The following SPACA1 variants were observed in gnomAD, a reference collection of about 807,000 sequenced individuals.
SPACA1 encodes the protein sperm acrosome associated 1.
SPACA1 carries 17 observed loss-of-function variants against 32.6 expected under a neutral mutation model. The ratio of observed to expected loss-of-function variants is 0.52; its 90% confidence interval spans 0.36 to 0.78. The LOEUF (loss-of-function observed/expected upper bound fraction) is 0.78, where lower values mean the gene tolerates loss of function less well. SPACA1 is among the 30% of genes least tolerant of loss of function. The probability of loss-of-function intolerance (pLI) is 0.01; values close to 1 mark genes in which losing one functional copy is unlikely to be tolerated. For missense variants in SPACA1, 363 were observed against 373.4 expected (o/e 0.97, Z 0.23); for synonymous variants, 140 against 138.1 (o/e 1.01, Z -0.10).
At chr6:88,061,591 C>T (rs1775898495) in intron 5 of SPACA1, among the ~76,000 whole-genome samples, 1 of 152,040 alleles carries the variant, frequency 6.6e-6, no homozygotes, top group Admixed American at 6.6e-5. Flanking sequence ...AATTTCTGAG[C>T]CTACCAGAAG....
chr6:88,061,114 G>T (rs754028584), intron 5 of SPACA1, among the ~76,000 whole-genome samples: 1 of 152,306 alleles, frequency 6.6e-6, no homozygotes, highest in East Asian at 1.9e-4. Flanking sequence ...GTTTTGGCTA[G>T]AAATGTCTAC....
At chr6:88,049,263 T>A (rs1466528385) in intron 1 of SPACA1, among the ~76,000 whole-genome samples, 2 of 152,220 alleles carry the variant, frequency 1.3e-5, no homozygotes, top group African/African-American at 2.4e-5. Context: ...AGTATTAAAC[T>A]GGCCAAGAAA....
At chr6:88,064,020 C>A (rs2276090) in intron 5 of SPACA1, 79 bp from the exon 6 acceptor site, 7 of 1,481,542 alleles carry the variant, frequency 4.7e-6, no homozygotes, top group East Asian at 2.4e-5. Context: ...AGTTGTTTTT[C>A]AAATATAAAC....
At chr6:88,063,840 A>G (rs1330104319) in intron 5 of SPACA1, among the ~76,000 whole-genome samples, 2 of 152,160 alleles carry the variant, frequency 1.3e-5, no homozygotes, top group African/African-American at 2.4e-5. Flanking sequence ...TGATAGAGGA[A>G]TGGATAGATG....
intron 2 of SPACA1, among the ~76,000 whole-genome samples, chr6:88,057,069 G>T (rs1030888754): frequency 6.6e-6 from 1 of 152,114 alleles, no homozygotes; most frequent in African/African-American, 2.4e-5. Context: ...GGTCAAATAA[G>T]TTTGGGAAAT....
Position 88,066,444 on chromosome 6 carries a change from A to G in SPACA1, c.*109A>G. 9.2e-7 allele frequency: 1 copy of G among 1,092,610 alleles called. No individual in the cohort carries two copies. The highest frequency in any genetic ancestry group is 1.6e-5 in the African/African-American group (1 of 62,906). 67.7% of individuals were successfully genotyped at this position (1,092,610 alleles called of 1,614,324 possible). On this transcript the variant is annotated 3_prime_UTR_variant, in exon 7 of 7. Transcript: ENST00000237201. Reference sequence around the variant, plus strand: ...TTTAATAATGTTGCGATGGATTGCCACAGTGTGAAGGAAATGCAGTGTGGG... The same window carrying G: ...TTTAATAATGTTGCGATGGATTGCCGCAGTGTGAAGGAAATGCAGTGTGGG...
At chr6:88,053,303 T>C (rs1354015228) in intron 1 of SPACA1, among the ~76,000 whole-genome samples, 1 of 152,222 alleles carries the variant, frequency 6.6e-6, no homozygotes, top group African/African-American at 2.4e-5. Context: ...AGCTGAAGAA[T>C]TGCTTATATA....
chr6:88,066,273 C>A lies in SPACA1; in HGVS notation c.823C>A (p.Leu275Ile), dbSNP rs780640791. Residue 275 changes from leucine to isoleucine, a missense_variant, in exon 7 of 7, where the codon CTT becomes ATT. Leu to Ile is a conservative substitution (Grantham distance 5). Coordinates refer to ENST00000237201, the MANE Select transcript of SPACA1 (RefSeq NM_030960.3). ...SSVRYKDSTS[L>I]DQLPTEMPGE... ...TGTGAGATACAAAGATTCAACTTCT[C>A]TTGACCAATTACCAACAGAAATGCC... The A allele has an allele frequency of 6.2e-7, 1 of 1,612,576 alleles. No individual in the cohort carries two copies. The highest frequency in any genetic ancestry group is 2.2e-5 in the East Asian group (1 of 44,846).
At chr6:88,049,163 G>T (rs555065800) in intron 1 of SPACA1, among the ~76,000 whole-genome samples, 1 of 152,280 alleles carries the variant, frequency 6.6e-6, no homozygotes, top group East Asian at 1.9e-4. Flanking sequence ...ATGTGAAAAA[G>T]AAAGATGACT....
At chr6:88,047,811 G>T (rs368664648), upstream of SPACA1, 89 of 1,220,938 alleles carry the variant, frequency 7.3e-5, 1 homozygote, top group African/African-American at 1.1e-3. Flanking sequence ...GGAGCCGGGC[G>T]GCTACGGGCG....
At chr6:88,062,321 T>C (rs911395537) in intron 5 of SPACA1, among the ~76,000 whole-genome samples, 1 of 152,166 alleles carries the variant, frequency 6.6e-6, no homozygotes, top group African/African-American at 2.4e-5. Flanking sequence ...GTAGTACTTA[T>C]CAAAATCAAA....
chr6:88,055,052 T>C (rs553100967), intron 2 of SPACA1, among the ~76,000 whole-genome samples: 2 of 152,182 alleles, frequency 1.3e-5, no homozygotes, highest in East Asian at 3.9e-4. Context: ...TTTTTTTTTT[T>C]AACCTTAATT....
upstream of SPACA1, among the ~76,000 whole-genome samples, chr6:88,047,014 CTT>C (rs1241771909): frequency 1.3e-5 from 2 of 152,112 alleles, no homozygotes; most frequent in African/African-American, 4.8e-5. Context: ...CCCTATATGT[CTT>C]TTCAAAAACA....
At chr6:88,054,771 T>C (rs1190134205) in intron 2 of SPACA1, among the ~76,000 whole-genome samples, 1 of 152,160 alleles carries the variant, frequency 6.6e-6, no homozygotes, top group Non-Finnish European at 1.5e-5. Flanking sequence ...TGTCAAAAAT[T>C]ACACCTGAAT....
At chr6:88,061,447 C>T (rs1582274766) in intron 5 of SPACA1, among the ~76,000 whole-genome samples, 1 of 152,184 alleles carries the variant, frequency 6.6e-6, no homozygotes, top group South Asian at 2.1e-4. Context: ...CACACACACA[C>T]ACACACACAC....
At chr6:88,056,789 T>G (rs141101483) in intron 2 of SPACA1, among the ~76,000 whole-genome samples, 1 of 152,178 alleles carries the variant, frequency 6.6e-6, no homozygotes, top group Non-Finnish European at 1.5e-5. Flanking sequence ...GCTAATCCCA[T>G]GTTTTGTTAT....
At chr6:88,049,869 G>A (rs76949504) in intron 1 of SPACA1, among the ~76,000 whole-genome samples, 4,374 of 152,204 alleles carry the variant, frequency 0.029, 212 homozygotes, top group African/African-American at 0.096. Flanking sequence ...TGAGTGCATC[G>A]TTAATAAATT....
chr6:88,059,043 G>A (rs970796649), intron 4 of SPACA1, among the ~76,000 whole-genome samples: 8 of 152,138 alleles, frequency 5.3e-5, no homozygotes, highest in African/African-American at 1.2e-4. Context: ...ACTTTAAAAC[G>A]TCTATTTTAC....
chr6:88,049,656 G>A (rs1357364239), intron 1 of SPACA1, among the ~76,000 whole-genome samples: 2 of 151,870 alleles, frequency 1.3e-5, no homozygotes, highest in East Asian at 3.8e-4. Flanking sequence ...TTACAAATAA[G>A]AATAAAGGGA....
Sources: allele counts gnomAD v4.1 joint callset (sites outside exome capture counted in the v4.1 genomes callset), GRCh38; gene constraint gnomAD v4.1.1; transcripts MANE v1.5; gene names NCBI Gene and HGNC (gene_info 2026-07-23, HGNC 2026-07-21).